Variants in CNTN1 observed in about 807,000 individuals in gnomAD.
The protein encoded by CNTN1 is contactin-1.
In CNTN1, 38 loss-of-function variants were observed where a neutral mutation model predicts 126.4. The ratio of observed to expected loss-of-function variants is 0.30; its 90% CI spans 0.23 to 0.39. The LOEUF is 0.39. Among genes scored for constraint, CNTN1 ranks in the 10% least tolerant of loss-of-function variants. The probability of loss-of-function intolerance (pLI) is 1.00; values close to 1 mark genes in which losing one functional copy is unlikely to be tolerated. For missense variants in CNTN1, 1,009 were observed against 1,248.4 expected (o/e 0.81, Z 2.89); for synonymous variants, 413 against 422.6 (o/e 0.98, Z 0.28).
chr12:40,902,220 A>G (rs1944634136), intron 1 of CNTN1, among the ~76,000 whole-genome samples: 1 of 152,212 alleles, frequency 6.6e-6, no homozygotes, highest in Non-Finnish European at 1.5e-5. Context: ...TACATGCATT[A>G]CCTAAACCTC....
At chr12:40,816,544 C>A (rs1255828127) in intron 1 of CNTN1, among the ~76,000 whole-genome samples, 1 of 151,312 alleles carries the variant, frequency 6.6e-6, no homozygotes, top group Non-Finnish European at 1.5e-5. Flanking sequence ...TCTCTCTCTT[C>A]TTCTCTATTA....
At chr12:41,033,065 C>T (rs12427168) in intron 23 of CNTN1, among the ~76,000 whole-genome samples, 5,129 of 152,164 alleles carry the variant, frequency 0.034, 115 homozygotes, top group South Asian at 0.06. Flanking sequence ...TGTGCTGATC[C>T]GCAAATTTGA....
chr12:41,004,028 T>A (rs1288618987), intron 17 of CNTN1, among the ~76,000 whole-genome samples: 1 of 152,174 alleles, frequency 6.6e-6, no homozygotes, highest in African/African-American at 2.4e-5. Flanking sequence ...TTTTTAGTTG[T>A]GATTTTAGGT....
chr12:40,916,093 T>C (rs1945232813), intron 3 of CNTN1, among the ~76,000 whole-genome samples: 1 of 152,168 alleles, frequency 6.6e-6, no homozygotes, highest in South Asian at 2.1e-4. Flanking sequence ...CCCTAAGCAA[T>C]ATTTATTTTT....
intron 12 of CNTN1, among the ~76,000 whole-genome samples, chr12:40,942,905 C>T (rs1018927505): frequency 1.3e-5 from 2 of 151,972 alleles, no homozygotes; most frequent in Non-Finnish European, 1.5e-5. Flanking sequence ...AATGGATATA[C>T]GTTTGCATGT....
chr12:41,008,300 T>C (rs1948554217), intron 17 of CNTN1, among the ~76,000 whole-genome samples: 1 of 152,218 alleles, frequency 6.6e-6, no homozygotes, highest in African/African-American at 2.4e-5. Context: ...GCCACAATCA[T>C]AACAGTAGGG....
chr12:40,952,116 A>C (rs117378297), intron 14 of CNTN1, among the ~76,000 whole-genome samples: 1 of 80,840 alleles, frequency 1.2e-5, no homozygotes, highest in African/African-American at 8.9e-5. Flanking sequence ...CACCACATCT[A>C]CTTACCAAAC....
intron 1 of CNTN1, among the ~76,000 whole-genome samples, chr12:40,798,493 T>A (rs1940528574): frequency 6.6e-6 from 1 of 151,842 alleles, no homozygotes; most frequent in South Asian, 2.1e-4. Context: ...TAGCCAAGGG[T>A]GTTCCCCAGA....
chr12:40,699,164 A>G (rs1307686353), intron 1 of CNTN1, among the ~76,000 whole-genome samples: 1 of 152,188 alleles, frequency 6.6e-6, no homozygotes, highest in African/African-American at 2.4e-5. Context: ...TAAGTCCTTG[A>G]GGATAGACAC....
intron 1 of CNTN1, among the ~76,000 whole-genome samples, chr12:40,811,080 A>G (rs1037308899): frequency 6.6e-6 from 1 of 152,212 alleles, no homozygotes; most frequent in African/African-American, 2.4e-5. Context: ...TCATTCATCA[A>G]TGGACACTTA....
intron 20 of CNTN1, among the ~76,000 whole-genome samples, chr12:41,022,955 A>G (rs978411765): frequency 3.9e-5 from 6 of 152,206 alleles, no homozygotes; most frequent in Admixed American, 6.6e-5. Context: ...GACAAGCACG[A>G]ACACTTAAAA....
intron 1 of CNTN1, among the ~76,000 whole-genome samples, chr12:40,797,511 C>G (rs1940483653): frequency 6.6e-6 from 1 of 151,776 alleles, no homozygotes; most frequent in African/African-American, 2.4e-5. Context: ...GGAAAATAGC[C>G]AAAGATGAGG....
intron 23 of CNTN1, among the ~76,000 whole-genome samples, chr12:41,051,314 A>AT (rs60640159): frequency 0.052 from 7,588 of 146,918 alleles, 259 homozygotes; most frequent in African/African-American, 0.092. Context: ...TGCCCAGATA[A>AT]TTTTTTTTTT....
intron 14 of CNTN1, among the ~76,000 whole-genome samples, chr12:40,956,986 T>G (rs967770349): frequency 1.3e-5 from 2 of 151,842 alleles, no homozygotes; most frequent in Non-Finnish European, 2.9e-5. Flanking sequence ...ATGATGAGTT[T>G]ATGAGAAAGT....
chr12:40,872,932 C>T (rs1943552527), intron 1 of CNTN1, among the ~76,000 whole-genome samples: 1 of 152,054 alleles, frequency 6.6e-6, no homozygotes, highest in Non-Finnish European at 1.5e-5. Flanking sequence ...ACTATTATTA[C>T]CCCATTTTAA....
Position 40,922,441 on chromosome 12 carries a change from T to C in CNTN1, c.400+13T>C, listed in dbSNP as rs201396853. The stretch of plus-strand genomic sequence containing the variant: ...CTGAGCTTTGGATGTAAGTAAACTG[T>C]AACTTTTAAAAAAGGGCAAGCGTGT... On this transcript the variant is annotated intron_variant, in intron 5 of 23. Transcript: ENST00000551295. The C allele has an allele frequency of 1.2e-3, 1,953 of 1,613,438 alleles. 2 individuals are homozygous for C. Among genetic ancestry groups the C allele is most frequent in the Non-Finnish European group, 1.5e-3 (1,812 of 1,179,526 alleles).
intron 23 of CNTN1, among the ~76,000 whole-genome samples, chr12:41,056,531 A>G (rs1355225909): frequency 6.6e-6 from 1 of 152,140 alleles, no homozygotes; most frequent in Admixed American, 6.6e-5. Context: ...AGGTCATTCT[A>G]TAAGTAACTA....
intron 1 of CNTN1, among the ~76,000 whole-genome samples, chr12:40,899,781 T>C (rs1565906510): frequency 6.6e-6 from 1 of 152,186 alleles, no homozygotes; most frequent in Non-Finnish European, 1.5e-5. Flanking sequence ...GAAATCGATC[T>C]TAACAATCAC....
At chr12:40,868,142 T>C (rs1288829015) in intron 1 of CNTN1, among the ~76,000 whole-genome samples, 1 of 152,108 alleles carries the variant, frequency 6.6e-6, no homozygotes, top group African/African-American at 2.4e-5. Context: ...TTCTTTTCTT[T>C]ATTTTTATTT....
Sources: gnomAD v4.1 joint callset for allele counts (sites outside exome capture counted in the v4.1 genomes callset) on GRCh38, gnomAD v4.1.1 for gene constraint, MANE v1.5 for transcripts, NCBI Gene and HGNC (gene_info 2026-07-23, HGNC 2026-07-21) for gene names.